Variants in PTPRT observed in about 807,000 individuals in gnomAD.
PTPRT encodes receptor-type tyrosine-protein phosphatase T.
Under a neutral mutation model 176.8 loss-of-function variants are expected in PTPRT, and 56 were observed. The observed-to-expected ratio is 0.32, with a 90% CI of 0.26 to 0.40. The LOEUF is 0.40. Ranked by LOEUF, PTPRT falls within the 10% of genes least tolerant of loss-of-function variation. The pLI is 1.00. For missense variants in PTPRT, 1,540 were observed against 1,908.2 expected (o/e 0.81, Z 3.60); for synonymous variants, 783 against 739.0 (o/e 1.06, Z -0.96).
chr20:42,634,107 TAATA>T (rs2074538967), intron 7 of PTPRT, among the ~76,000 whole-genome samples: 1 of 55,798 alleles, frequency 1.8e-5, no homozygotes, highest in Non-Finnish European at 2.9e-5. Context: ...ATATATATTA[TAATA>T]ATATAATATA....
At chr20:43,154,968 C>A (rs1356419877) in intron 1 of PTPRT, among the ~76,000 whole-genome samples, 1 of 152,120 alleles carries the variant, frequency 6.6e-6, no homozygotes, top group East Asian at 1.9e-4. Context: ...CATCACTAAT[C>A]ATCAGGGAAA....
At chr20:42,832,752 A>G (rs1272434831) in intron 2 of PTPRT, among the ~76,000 whole-genome samples, 1 of 150,662 alleles carries the variant, frequency 6.6e-6, no homozygotes, top group Non-Finnish European at 1.5e-5. Context: ...AAAAACAAGA[A>G]AATTGAGTTT....
chr20:42,498,265 C>A (rs2071689494), intron 7 of PTPRT, among the ~76,000 whole-genome samples: 2 of 152,094 alleles, frequency 1.3e-5, no homozygotes, highest in South Asian at 4.1e-4. Context: ...CCAAAGAGAT[C>A]CCCCAAAACC....
At position 42,834,182 on chromosome 20, in the gene PTPRT, C is replaced by T. The variant is rs527520740; in HGVS notation, c.215-42716G>A. On this transcript the variant is annotated intron_variant, in intron 2 of 30. Coordinates refer to ENST00000373187, the MANE Select transcript of PTPRT (RefSeq NM_007050.6). ...CTTAATAACAGCTCAATTTTTTAAA[C>T]GGGCAAAAAATTTGAGCAAACACAT... Among the ~76,000 whole-genome samples the T allele has an allele frequency of 1.8e-3, 274 of 151,994 alleles. 1 individual carries two copies. The highest frequency in any genetic ancestry group is 6.2e-3 in the African/African-American group (257 of 41,460).
intron 2 of PTPRT, among the ~76,000 whole-genome samples, chr20:42,882,609 A>T (rs1312383264): frequency 1.3e-5 from 2 of 152,248 alleles, no homozygotes; most frequent in Non-Finnish European, 2.9e-5. Context: ...TGTATTAATA[A>T]AAACACTTAA....
intron 15 of PTPRT, among the ~76,000 whole-genome samples, chr20:42,207,039 C>T (rs1424562923): frequency 5.9e-5 from 9 of 152,174 alleles, no homozygotes; most frequent in African/African-American, 1.9e-4. Flanking sequence ...CACACTGACA[C>T]CTCACAAGGC....
At chr20:42,863,013 G>A (rs1236448341) in intron 2 of PTPRT, among the ~76,000 whole-genome samples, 1 of 152,116 alleles carries the variant, frequency 6.6e-6, no homozygotes, top group Admixed American at 6.6e-5. Context: ...ACACTAATGG[G>A]GTAAGGCAGA....
At chr20:42,979,202 C>A (rs544163719) in intron 1 of PTPRT, among the ~76,000 whole-genome samples, 10 of 152,054 alleles carry the variant, frequency 6.6e-5, no homozygotes, top group Non-Finnish European at 1.5e-4. Flanking sequence ...ATTTTTCTTA[C>A]ATGAGTTGTA....
intron 16 of PTPRT, among the ~76,000 whole-genome samples, chr20:42,185,519 T>C (rs577261769): frequency 6.6e-6 from 1 of 152,324 alleles, no homozygotes; most frequent in East Asian, 1.9e-4. Flanking sequence ...TTCCCTTCAG[T>C]GTTGGCTACA....
At chr20:43,056,910 C>T (rs1034503687) in intron 1 of PTPRT, among the ~76,000 whole-genome samples, 2 of 152,048 alleles carry the variant, frequency 1.3e-5, no homozygotes, top group African/African-American at 2.4e-5. Context: ...TTTCCTCAAG[C>T]GTCCTTATTC....
intron 6 of PTPRT, among the ~76,000 whole-genome samples, chr20:42,729,183 T>C (rs73907251): frequency 0.011 from 1,647 of 152,236 alleles, 28 homozygotes; most frequent in African/African-American, 0.036. Context: ...ACCTCAGGTT[T>C]GGCAAAATGA....
intron 1 of PTPRT, among the ~76,000 whole-genome samples, chr20:43,043,136 C>T (rs1264676835): frequency 2.6e-5 from 4 of 152,082 alleles, no homozygotes; most frequent in East Asian, 1.9e-4. Context: ...TTTGCCAAAG[C>T]GAGGTGCACC....
intron 2 of PTPRT, among the ~76,000 whole-genome samples, chr20:42,877,636 T>C (rs2078955308): frequency 6.6e-6 from 1 of 152,202 alleles, no homozygotes; most frequent in Admixed American, 6.5e-5. Flanking sequence ...CATTTGCCGC[T>C]ACCTACTAAG....
At chr20:42,907,114 A>G (rs910975372) in intron 1 of PTPRT, among the ~76,000 whole-genome samples, 1 of 152,224 alleles carries the variant, frequency 6.6e-6, no homozygotes, top group African/African-American at 2.4e-5. Context: ...AATGAAAAAA[A>G]TGAATACAGT....
At chr20:42,242,107 A>C (rs533083201) in intron 14 of PTPRT, among the ~76,000 whole-genome samples, 4 of 152,280 alleles carry the variant, frequency 2.6e-5, no homozygotes, top group Non-Finnish European at 4.4e-5. Flanking sequence ...GTCTACCCAG[A>C]AACAAAACAA....
intron 1 of PTPRT, among the ~76,000 whole-genome samples, chr20:43,167,087 C>T (rs528230387): frequency 8.5e-5 from 13 of 152,216 alleles, no homozygotes; most frequent in African/African-American, 9.6e-5. Context: ...GAGGGAGTGC[C>T]GTCATGTTAG....
At chr20:42,741,029 G>A (rs2076601590) in intron 6 of PTPRT, among the ~76,000 whole-genome samples, 1 of 152,186 alleles carries the variant, frequency 6.6e-6, no homozygotes, top group Non-Finnish European at 1.5e-5. Flanking sequence ...AGAATATTAA[G>A]GGGAGCTGAG....
At chr20:42,165,338 G>C (rs116856870) in intron 16 of PTPRT, among the ~76,000 whole-genome samples, 1 of 152,188 alleles carries the variant, frequency 6.6e-6, no homozygotes, top group East Asian at 1.9e-4. Context: ...TCATACAGCA[G>C]GGAGGTATGT....
At chr20:42,580,931 C>G (rs1194719889) in intron 7 of PTPRT, among the ~76,000 whole-genome samples, 2 of 152,116 alleles carry the variant, frequency 1.3e-5, no homozygotes, top group Non-Finnish European at 2.9e-5. Context: ...GCCAGAACTT[C>G]CAACACTATG....
Sources: allele counts gnomAD v4.1 joint callset (sites outside exome capture counted in the v4.1 genomes callset), GRCh38; gene constraint gnomAD v4.1.1; transcripts MANE v1.5; gene names NCBI Gene and HGNC (gene_info 2026-07-23, HGNC 2026-07-21).